KSR1: variants seen among roughly 807,000 people sequenced by gnomAD.
KSR1 encodes the protein kinase suppressor of ras 1.
In KSR1, 35 loss-of-function variants were observed where a neutral mutation model predicts 92.9. That is an observed-to-expected ratio of 0.38 (90% CI 0.29 to 0.50). The LOEUF (loss-of-function observed/expected upper bound fraction) is 0.50. Ranked by LOEUF, KSR1 falls within the 20% of genes least tolerant of loss-of-function variation. KSR1 has a pLI of 0.94. For missense variants in KSR1, 972 were observed against 1,158.5 expected (o/e 0.84, Z 2.34); for synonymous variants, 467 against 472.6 (o/e 0.99, Z 0.15).
At position 27,617,526 on chromosome 17, in the gene KSR1, G is replaced by A. The variant is rs141718839; in HGVS notation, c.2627+98G>A. The A allele has an allele frequency of 6.4e-3, 8,818 of 1,383,052 alleles. 26 individuals carry two copies. Among genetic ancestry groups the A allele is most frequent in the Non-Finnish European group, 7.1e-3 (7,341 of 1,030,478 alleles). 85.7% of individuals were successfully genotyped at this position (1,383,052 alleles called of 1,614,324 possible). ...TTCTGATCTTTCTGCCCAAGACTTTGTTTTTTGGGGTTTTTTTTGAGACAG... is the reference window on the plus strand; with the variant it reads ...TTCTGATCTTTCTGCCCAAGACTTTATTTTTTGGGGTTTTTTTTGAGACAG... On this transcript the variant is annotated intron_variant, in intron 19 of 20. Coordinates refer to ENST00000644974, the MANE Select transcript of KSR1 (RefSeq NM_001394583.1).
At chr17:27,460,760 T>C (rs1533878) in intron 1 of KSR1, among the ~76,000 whole-genome samples, 138,618 of 152,208 alleles carry the variant, frequency 0.91, 63,164 homozygotes, top group East Asian at 1. Context: ...GAGCATCTGA[T>C]GATGGAACTG....
intron 1 of KSR1, among the ~76,000 whole-genome samples, chr17:27,488,594 G>A (rs1011176095): frequency 7.2e-5 from 11 of 152,194 alleles, no homozygotes; most frequent in African/African-American, 2.4e-4. Flanking sequence ...CACTTTGGGA[G>A]GCCAAGACAG....
At chr17:27,486,939 C>T (rs1056011329) in intron 1 of KSR1, among the ~76,000 whole-genome samples, 7 of 152,180 alleles carry the variant, frequency 4.6e-5, no homozygotes, top group African/African-American at 1.4e-4. Context: ...GGGAAACTGT[C>T]GCCTTGGGTA....
In KSR1 at chr17:27,481,638, T is replaced by C. The variant is rs577361988; in HGVS notation, c.231+24764T>C. Among the ~76,000 whole-genome samples the C allele has an allele frequency of 3.4e-3, 523 of 152,272 alleles. 6 individuals are homozygous for C. In the South Asian group the frequency reaches 0.04, roughly 12 times the overall value. On this transcript the variant is annotated intron_variant, in intron 1 of 20. Coordinates refer to ENST00000644974, the MANE Select transcript of KSR1 (RefSeq NM_001394583.1). ...TGATGAGTGGGGCCACCTGCACTTA[T>C]ATAGCTATCTCCATGCCATGGAAAC...
At chr17:27,616,728 C>T (rs556557140) in intron 18 of KSR1, among the ~76,000 whole-genome samples, 3 of 152,268 alleles carry the variant, frequency 2.0e-5, no homozygotes, top group East Asian at 1.9e-4. Flanking sequence ...GCTGCAGGGC[C>T]GTGCTGGTAC....
At chr17:27,514,940 G>A (rs1375069123) in intron 1 of KSR1, among the ~76,000 whole-genome samples, 2 of 152,202 alleles carry the variant, frequency 1.3e-5, no homozygotes, top group African/African-American at 2.4e-5. Flanking sequence ...CCAAGCAATA[G>A]GCTTTCCCTT....
intron 1 of KSR1, among the ~76,000 whole-genome samples, chr17:27,510,297 C>G (rs779829742): frequency 6.6e-6 from 1 of 152,210 alleles, no homozygotes; most frequent in African/African-American, 2.4e-5. Flanking sequence ...CGTGGTTATC[C>G]CAGTGACCTC....
intron 20 of KSR1, among the ~76,000 whole-genome samples, chr17:27,621,576 A>T (rs2074225546): frequency 6.6e-6 from 1 of 152,186 alleles, no homozygotes. Flanking sequence ...CCAGGATCCC[A>T]GTCCCCCTGG....
chr17:27,461,709 G>A (rs2019448589), intron 1 of KSR1, among the ~76,000 whole-genome samples: 1 of 152,252 alleles, frequency 6.6e-6, no homozygotes, highest in African/African-American at 2.4e-5. Context: ...GGGCTGGGTG[G>A]TGCTGGAGAG....
intron 1 of KSR1, among the ~76,000 whole-genome samples, chr17:27,520,724 G>T (rs1597934917): frequency 6.6e-6 from 1 of 152,318 alleles, no homozygotes; most frequent in African/African-American, 2.4e-5. Context: ...AGGTTTCCCA[G>T]GCCCCGCTGC....
chr17:27,507,944 G>A (rs149744932), intron 1 of KSR1, among the ~76,000 whole-genome samples: 6 of 152,284 alleles, frequency 3.9e-5, no homozygotes, highest in East Asian at 1.9e-4. Context: ...ATTCTAGAGC[G>A]TGTAGCCTGG....
chr17:27,496,808 A>G (rs1237762940), intron 1 of KSR1, among the ~76,000 whole-genome samples: 1 of 152,156 alleles, frequency 6.6e-6, no homozygotes, highest in Non-Finnish European at 1.5e-5. Flanking sequence ...TGAAGATGGA[A>G]ACTGTCTTGG....
intron 2 of KSR1, among the ~76,000 whole-genome samples, chr17:27,570,389 T>C (rs1194265073): frequency 6.6e-6 from 1 of 152,194 alleles, no homozygotes; most frequent in East Asian, 1.9e-4. Context: ...TGTGCTGACC[T>C]CTGTGGTTCA....
chr17:27,561,443 A>G (rs775549706), intron 2 of KSR1, among the ~76,000 whole-genome samples: 35 of 152,324 alleles, frequency 2.3e-4, no homozygotes, highest in Admixed American at 1.6e-3. Context: ...GGATTAATTG[A>G]TGAGCAAAAT....
chr17:27,505,673 T>C (rs760535144), intron 1 of KSR1, among the ~76,000 whole-genome samples: 2 of 152,188 alleles, frequency 1.3e-5, no homozygotes, highest in Admixed American at 6.5e-5. Context: ...TTGTGCGTCT[T>C]AAATAAGTTA....
chr17:27,505,633 A>G (rs1326617783), intron 1 of KSR1, among the ~76,000 whole-genome samples: 1 of 152,168 alleles, frequency 6.6e-6, no homozygotes, highest in Non-Finnish European at 1.5e-5. Context: ...TAAAATGGGG[A>G]TGGTAGCAGT....
At chr17:27,526,767 A>T (rs2151032886) in intron 1 of KSR1, 1 of 1,168,768 alleles carries the variant, frequency 8.6e-7, no homozygotes, top group South Asian at 1.4e-5. Context: ...TCATCATCGC[A>T]CAGTTCTCTA....
At chr17:27,468,156 C>T (rs1969251590) in intron 1 of KSR1, among the ~76,000 whole-genome samples, 1 of 151,040 alleles carries the variant, frequency 6.6e-6, no homozygotes, top group Non-Finnish European at 1.5e-5. Context: ...AAGGTTTAAA[C>T]TTGTACAAAA....
intron 2 of KSR1, among the ~76,000 whole-genome samples, chr17:27,576,136 TCTTGA>T (rs2072496806): frequency 6.6e-6 from 1 of 152,342 alleles, no homozygotes; most frequent in African/African-American, 2.4e-5. Flanking sequence ...GCTTCAGGTC[TCTTGA>T]CTTCTCTGTT....
Sources: allele counts gnomAD v4.1 joint callset (sites outside exome capture counted in the v4.1 genomes callset), GRCh38; gene constraint gnomAD v4.1.1; transcripts MANE v1.5; gene names NCBI Gene and HGNC (gene_info 2026-07-23, HGNC 2026-07-21).